The following GRIP1 variants were observed in gnomAD, a reference collection of about 807,000 sequenced individuals.
The protein encoded by GRIP1 is glutamate receptor-interacting protein 1.
A neutral mutation model predicts 129.9 loss-of-function variants in GRIP1; 45 were observed. The ratio of observed to expected loss-of-function variants is 0.35; its 90% CI spans 0.27 to 0.44. The LOEUF (loss-of-function observed/expected upper bound fraction) is 0.44, where lower values mean the gene tolerates loss of function less well. Ranked by LOEUF, GRIP1 falls within the 20% of genes least tolerant of loss-of-function variation. GRIP1 has a pLI of 1.00. For missense variants in GRIP1, 1,196 were observed against 1,396.8 expected, an observed-to-expected ratio of 0.86 and a Z score of 2.29; for synonymous variants, 530 against 520.8, an observed-to-expected ratio of 1.02 and a Z score of -0.24.
chr12:67,038,123 C>A (rs1433272635), intron 1 of GRIP1, among the ~76,000 whole-genome samples: 2 of 152,170 alleles, frequency 1.3e-5, no homozygotes, highest in African/African-American at 4.8e-5. Flanking sequence ...GAAGGACTAA[C>A]CAATGACTTT....
intron 1 of GRIP1, among the ~76,000 whole-genome samples, chr12:67,020,235 T>C (rs1263931646): frequency 1.3e-5 from 2 of 152,230 alleles, no homozygotes; most frequent in African/African-American, 4.8e-5. Context: ...TCATTGATCT[T>C]GCTTTATTTC....
chr12:66,394,150 G>A lies in GRIP1; in HGVS notation c.2129+58C>T, dbSNP rs111240303. The A allele has an allele frequency of 4.5e-4, 669 of 1,477,828 alleles. No individual in the cohort carries two copies. The African/African-American group carries it at 7.4e-3, about 16-fold the overall frequency. 91.5% of individuals were successfully genotyped at this position (1,477,828 alleles called of 1,614,324 possible). ...GAGAGGAGCATGTTTTTATGTGGTT[G>A]TGAGGAAGGAAGCCCGTCTCAGACA... On this transcript the variant is annotated intron_variant, in intron 17 of 24. Coordinates refer to ENST00000359742, the MANE Select transcript of GRIP1 (RefSeq NM_001366722.1).
chr12:66,685,945 T>A (rs2034769020), intron 1 of GRIP1, among the ~76,000 whole-genome samples: 1 of 152,228 alleles, frequency 6.6e-6, no homozygotes, highest in African/African-American at 2.4e-5. Flanking sequence ...ATAGCGCCAA[T>A]GTTCAATAAA....
At chr12:66,979,570 C>G (rs1027064492) in intron 1 of GRIP1, among the ~76,000 whole-genome samples, 1 of 152,038 alleles carries the variant, frequency 6.6e-6, no homozygotes, top group African/African-American at 2.4e-5. Flanking sequence ...TTGAACAAAC[C>G]TCAGTTCTGA....
intron 1 of GRIP1, among the ~76,000 whole-genome samples, chr12:66,784,679 G>A (rs574151870): frequency 1.3e-4 from 19 of 151,962 alleles, no homozygotes; most frequent in African/African-American, 4.6e-4. Context: ...ACTGCTTTCA[G>A]GAAAAAAAAA....
intron 1 of GRIP1, among the ~76,000 whole-genome samples, chr12:66,853,822 A>G (rs1316994942): frequency 6.6e-6 from 1 of 152,112 alleles, no homozygotes; most frequent in Non-Finnish European, 1.5e-5. Context: ...ACTTAATTTT[A>G]TAAGGATATA....
At chr12:66,972,217 G>A (rs906856416) in intron 1 of GRIP1, among the ~76,000 whole-genome samples, 1 of 152,174 alleles carries the variant, frequency 6.6e-6, no homozygotes, top group Non-Finnish European at 1.5e-5. Context: ...AAGGTTCTGG[G>A]TAGGAAACTC....
chr12:66,823,546 A>C (rs753389244), intron 1 of GRIP1, among the ~76,000 whole-genome samples: 2 of 152,218 alleles, frequency 1.3e-5, no homozygotes, highest in African/African-American at 2.4e-5. Flanking sequence ...TATTTAGTAC[A>C]TACTCTGGCA....
intron 7 of GRIP1, among the ~76,000 whole-genome samples, chr12:66,512,390 G>A (rs2009924): frequency 0.022 from 3,345 of 152,132 alleles, 110 homozygotes; most frequent in African/African-American, 0.077. Flanking sequence ...CCAAAATGCT[G>A]ATAGTGACAT....
rs535087767 is a variant in GRIP1, at chr12:66,658,587, A to G, written c.55+20263T>C. On this transcript the variant is annotated intron_variant, in intron 1 of 24. Transcript: ENST00000359742. ...CAGAGCGAGACTCCATCTCAAAAAAAAAAAAGAAAAAAAAATCCTTCATCT... is the reference window on the plus strand; with the variant it reads ...CAGAGCGAGACTCCATCTCAAAAAAGAAAAAGAAAAAAAAATCCTTCATCT... Among the ~76,000 whole-genome samples, 22 of 137,070 alleles carry G rather than the reference A, an allele frequency of 1.6e-4. 2 individuals carry two copies. The South Asian group carries it at 4.3e-3, about 27-fold the overall frequency. 89.9% of individuals were successfully genotyped at this position (137,070 alleles called of 152,430 possible).
chr12:66,501,703 A>G, intron 7 of GRIP1, among the ~76,000 whole-genome samples: 1 of 152,182 alleles, frequency 6.6e-6, no homozygotes, highest in East Asian at 1.9e-4. Flanking sequence ...AGTTTTTCCT[A>G]TTTTTAAAAT....
At chr12:66,569,748 T>A (rs2062893882) in intron 2 of GRIP1, among the ~76,000 whole-genome samples, 1 of 152,150 alleles carries the variant, frequency 6.6e-6, no homozygotes, top group Non-Finnish European at 1.5e-5. Context: ...GAGAGGGGGC[T>A]GGGGGCTGCT....
intron 1 of GRIP1, among the ~76,000 whole-genome samples, chr12:66,898,233 A>G (rs998934287): frequency 2.6e-5 from 4 of 152,194 alleles, no homozygotes; most frequent in African/African-American, 9.6e-5. Context: ...CGAGACACAG[A>G]GTCCTTAGCC....
At chr12:66,817,279 G>A (rs1232448771) in intron 1 of GRIP1, among the ~76,000 whole-genome samples, 3 of 151,036 alleles carry the variant, frequency 2.0e-5, no homozygotes, top group South Asian at 2.1e-4. Context: ...ATTTTAAAGC[G>A]TAAATTTTAA....
intron 1 of GRIP1, among the ~76,000 whole-genome samples, chr12:66,827,037 T>G (rs950522978): frequency 6.6e-6 from 1 of 152,132 alleles, no homozygotes; most frequent in African/African-American, 2.4e-5. Flanking sequence ...CTTTTGGAGG[T>G]AGAAAGAAAA....
At chr12:66,984,761 C>T (rs1699531206) in intron 1 of GRIP1, among the ~76,000 whole-genome samples, 1 of 152,166 alleles carries the variant, frequency 6.6e-6, no homozygotes, top group African/African-American at 2.4e-5. Flanking sequence ...TGTGCTCAGT[C>T]AAAGTAAACA....
intron 2 of GRIP1, among the ~76,000 whole-genome samples, chr12:66,554,790 T>G (rs2062265154): frequency 6.6e-6 from 1 of 152,040 alleles, no homozygotes. Flanking sequence ...GTGGTGGCCA[T>G]GGGGAGAGGC....
intron 1 of GRIP1, among the ~76,000 whole-genome samples, chr12:66,965,197 T>C: frequency 6.6e-6 from 1 of 152,096 alleles, no homozygotes; most frequent in Non-Finnish European, 1.5e-5. Flanking sequence ...CATTCCCATA[T>C]TATTTTGAAG....
intron 1 of GRIP1, among the ~76,000 whole-genome samples, chr12:66,715,477 A>AGAGG (rs1210758019): frequency 3.5e-4 from 31 of 89,630 alleles, no homozygotes; most frequent in Middle Eastern, 5.4e-3. Context: ...TGTGTGAGAG[A>AGAGG]GAGAGAGAGA....
Sources: gnomAD v4.1 joint callset for allele counts (sites outside exome capture counted in the v4.1 genomes callset) on GRCh38, gnomAD v4.1.1 for gene constraint, MANE v1.5 for transcripts, NCBI Gene and HGNC (gene_info 2026-07-23, HGNC 2026-07-21) for gene names.